Variants in MFN1 observed in about 807,000 individuals in gnomAD.
The protein encoded by MFN1 is mitofusin-1.
A neutral mutation model predicts 92.4 loss-of-function variants in MFN1; 65 were observed. That is an observed-to-expected ratio of 0.70 (90% CI 0.58 to 0.86). The LOEUF is 0.86. Ranked by LOEUF, MFN1 falls within the 40% of genes least tolerant of loss-of-function variation. The pLI, the probability that MFN1 is intolerant of heterozygous loss-of-function variation, is 0.00. For missense variants in MFN1, 781 were observed against 868.0 expected, an observed-to-expected ratio of 0.90 and a Z score of 1.26; for synonymous variants, 297 against 300.9, an observed-to-expected ratio of 0.99 and a Z score of 0.13.
intron 14 of MFN1, among the ~76,000 whole-genome samples, chr3:179,381,436 G>A (rs1440769216): frequency 6.6e-6 from 1 of 152,244 alleles, no homozygotes; most frequent in African/African-American, 2.4e-5. Context: ...GAGACTGAAA[G>A]CCTGCCATTG....
In MFN1 at chr3:179,394,933, T is replaced by G. The variant is rs1206905712; in HGVS notation, c.*2874T>G. 2.0e-5 allele frequency: 3 copies of G among 152,386 alleles called. No homozygotes were observed. The highest frequency in any genetic ancestry group is 4.4e-5 in the Non-Finnish European group (3 of 68,036). 9.4% of individuals were successfully genotyped at this position (152,386 alleles called of 1,614,324 possible). Reference sequence around the variant, plus strand: ...AAAATAAAACCTGTTTGCCTGATAGTTGACAAATGTAGCATTTATACTAGT... The same window carrying G: ...AAAATAAAACCTGTTTGCCTGATAGGTGACAAATGTAGCATTTATACTAGT... On this transcript the variant is annotated 3_prime_UTR_variant, in exon 18 of 18. Transcript: ENST00000471841.
At chr3:179,363,975 A>G (rs971077896) in intron 5 of MFN1, among the ~76,000 whole-genome samples, 7 of 151,994 alleles carry the variant, frequency 4.6e-5, no homozygotes, top group African/African-American at 1.7e-4. Context: ...TTAAATTTAT[A>G]TTTTTTTATT....
chr3:179,387,314 G>A (rs935610086), intron 16 of MFN1, among the ~76,000 whole-genome samples: 1 of 152,148 alleles, frequency 6.6e-6, no homozygotes, highest in Admixed American at 6.5e-5. Flanking sequence ...GGGAGGCTGA[G>A]GCAGGCGGAT....
intron 7 of MFN1, among the ~76,000 whole-genome samples, chr3:179,366,375 G>A (rs1159174592): frequency 6.7e-6 from 1 of 148,266 alleles, no homozygotes; most frequent in Non-Finnish European, 1.5e-5. Flanking sequence ...CATAAGATTT[G>A]CATCCTCAAC....
Position 179,389,999 on chromosome 3 carries a change from T to G in MFN1, c.2013-5T>G, listed in dbSNP as rs2108562069. The G allele has an allele frequency of 2.5e-6, 4 of 1,595,028 alleles. No homozygotes were observed. The East Asian group carries it at 9.0e-5, about 36-fold the overall frequency. On this transcript the variant is annotated splice_polypyrimidine_tract_variant and splice_region_variant and intron_variant, in intron 16 of 17. Coordinates refer to ENST00000471841, the MANE Select transcript of MFN1 (RefSeq NM_033540.3). ...TTATGACTGCTTCTAAATTTTTATT[T>G]TAAGACAAATAGCTACCACTTTTGC... is the stretch of plus-strand genomic sequence containing the variant.
rs150661996 is a variant in MFN1 at position 179,360,130 on chromosome 3, G to A, written c.411+1128G>A. On this transcript the variant is annotated intron_variant, in intron 4 of 17. Transcript: ENST00000471841. ...TGGGTTTCACCATATTGCCCAGGCT[G>A]GTCTTGAACTCCTGACCTCAGGTGA... 0.01 allele frequency among the ~76,000 whole-genome samples: 1,562 copies of A among 152,222 alleles called. 53 individuals carry two copies. In the South Asian group the frequency reaches 0.11, roughly 11 times the overall value.
chr3:179,348,415 A>G (rs754898573), intron 1 of MFN1, among the ~76,000 whole-genome samples: 2 of 152,140 alleles, frequency 1.3e-5, no homozygotes, highest in African/African-American at 2.4e-5. Flanking sequence ...TCACATTGTG[A>G]TCTTAGAATT....
At chr3:179,356,824 T>C (rs1204787879) in intron 3 of MFN1, among the ~76,000 whole-genome samples, 2 of 152,056 alleles carry the variant, frequency 1.3e-5, no homozygotes, top group South Asian at 2.1e-4. Flanking sequence ...ACTGTAACTA[T>C]AGGAGGTCCA....
chr3:179,362,201 T>G (rs1466401447), intron 4 of MFN1, among the ~76,000 whole-genome samples, 157 bp from the exon 5 acceptor site: 1 of 152,250 alleles, frequency 6.6e-6, no homozygotes, highest in Admixed American at 6.5e-5. Flanking sequence ...CTTGGAAATT[T>G]AAAAATTCAG....
intron 9 of MFN1, 112 bp downstream of exon 9, chr3:179,368,215 GT>G: frequency 1.4e-6 from 1 of 709,018 alleles, no homozygotes; most frequent in Non-Finnish European, 2.0e-6. Flanking sequence ...CTGTTATTTA[GT>G]TTAGTTACTG....
intron 9 of MFN1, among the ~76,000 whole-genome samples, chr3:179,370,015 TC>T (rs1712958872): frequency 6.6e-6 from 1 of 152,106 alleles, no homozygotes; most frequent in Non-Finnish European, 1.5e-5. Context: ...TTCCAAACAA[TC>T]AGCTGGGCAA....
Position 179,377,130 on chromosome 3 carries a change from A to G in MFN1, c.1186A>G (p.Lys396Glu), listed in dbSNP as rs757358823. The change falls in exon 11 of 18, where the codon AAA (lysine) becomes GAA (glutamate). Residue 396 changes from lysine (K) to glutamate (E), a missense_variant. Physicochemically the swap from Lys to Glu is moderately conservative, Grantham distance 56. Coordinates refer to ENST00000471841, the MANE Select transcript of MFN1 (RefSeq NM_033540.3). ...QMNLLTLDVKKKIKEVTEEVA... is the reference protein window; with the variant it reads ...QMNLLTLDVKEKIKEVTEEVA... ...GAACCTTTTAACACTGGATGTTAAG[A>G]AAAAAATCAAGGAGGTTACCGAGGA... 7 of 1,613,620 alleles carry G rather than the reference A, an allele frequency of 4.3e-6. No individual in the cohort carries two copies. In the South Asian group the frequency reaches 7.7e-5, roughly 18 times the overall value.
intron 7 of MFN1, among the ~76,000 whole-genome samples, chr3:179,365,728 A>T (rs1299736293): frequency 6.6e-6 from 1 of 152,170 alleles, no homozygotes; most frequent in Non-Finnish European, 1.5e-5. Context: ...TGACCCCCTA[A>T]ATTAATCTTT....
intron 14 of MFN1, among the ~76,000 whole-genome samples, chr3:179,384,981 C>T (rs1280707720): frequency 1.4e-5 from 2 of 138,750 alleles, no homozygotes; most frequent in Non-Finnish European, 3.0e-5. Context: ...TCTCGGCTCA[C>T]TGCAAGCTCT....
At chr3:179,358,635 G>A (rs1201469174) in intron 3 of MFN1, among the ~76,000 whole-genome samples, 5 of 152,120 alleles carry the variant, frequency 3.3e-5, no homozygotes, top group African/African-American at 1.2e-4. Context: ...TGAGAAAGGT[G>A]GGATTTGTCT....
rs199749591 is a variant in MFN1, at chr3:179,348,919, A to G, written c.68A>G (p.Asp23Gly). Reference sequence around the variant, plus strand: ...AAGAAGGCGATTACTGCAATCTTTGACCAGTTACTGGAGTTTGTTACTGAA... The same window carrying G: ...AAGAAGGCGATTACTGCAATCTTTGGCCAGTTACTGGAGTTTGTTACTGAA... Reference protein sequence around the residue: ...LAKKAITAIFDQLLEFVTEGS... With the variant: ...LAKKAITAIFGQLLEFVTEGS... Residue 23 changes from aspartate (D) to glycine (G), a missense_variant, in exon 2 of 18, where the codon GAC (aspartate) becomes GGC (glycine). By Grantham distance (94) the Asp-to-Gly change is moderately conservative. Transcript: ENST00000471841. The G allele has an allele frequency of 6.2e-7, 1 of 1,608,078 alleles. No homozygotes were observed. The highest frequency in any genetic ancestry group is 8.5e-7 in the Non-Finnish European group (1 of 1,175,056).
In MFN1 at chr3:179,378,943, C is replaced by G. The variant is rs1041609866; in HGVS notation, c.1662+129C>G. 3.8e-5 allele frequency: 28 copies of G among 732,840 alleles called. No homozygotes were observed. In the African/African-American group the frequency reaches 5.0e-4, roughly 13 times the overall value. 45.4% of individuals were successfully genotyped at this position (732,840 alleles called of 1,614,324 possible). On this transcript the variant is annotated intron_variant, in intron 14 of 17. Transcript: ENST00000471841. ...TAGTATCTATCTCTTAGAGCCATTT[C>G]TGAGGTAGATATTTAGTTTGAGCAT...
At position 179,392,092 on chromosome 3, in the gene MFN1, G is replaced by C; in HGVS notation, c.*33G>C. 7.3e-7 allele frequency: 1 copy of C among 1,377,988 alleles called. No homozygotes were observed. The highest frequency in any genetic ancestry group is 1.0e-6 in the Non-Finnish European group (1 of 978,882). 85.4% of individuals were successfully genotyped at this position (1,377,988 alleles called of 1,614,324 possible). On this transcript the variant is annotated 3_prime_UTR_variant, in exon 18 of 18. Transcript: ENST00000471841. ...GATTGCTTTGGTGACCATGATAGGAGGAAACGAAACTTGTAAGATTGGAAC... is the reference window on the plus strand; with the variant it reads ...GATTGCTTTGGTGACCATGATAGGACGAAACGAAACTTGTAAGATTGGAAC...
At chr3:179,350,413 A>G (rs1255448328) in intron 2 of MFN1, among the ~76,000 whole-genome samples, 1 of 152,194 alleles carries the variant, frequency 6.6e-6, no homozygotes, top group African/African-American at 2.4e-5. Context: ...TTTGTTTCCA[A>G]TTAGGAAATA....
Sources: allele counts gnomAD v4.1 joint callset (sites outside exome capture counted in the v4.1 genomes callset), GRCh38; gene constraint gnomAD v4.1.1; transcripts MANE v1.5; gene names NCBI Gene and HGNC (gene_info 2026-07-23, HGNC 2026-07-21).